Variants in PKLR observed in about 807,000 individuals in gnomAD.
PKLR encodes the protein pyruvate kinase PKLR.
A neutral mutation model predicts 53.6 loss-of-function variants in PKLR; 38 were observed. That is an observed-to-expected ratio of 0.71 (90% CI 0.55 to 0.93). The LOEUF (loss-of-function observed/expected upper bound fraction) is 0.93, where lower values mean the gene tolerates loss of function less well. Ranked by LOEUF, PKLR falls within the 40% of genes least tolerant of loss-of-function variation. The probability of loss-of-function intolerance (pLI) is 0.00; values close to 1 mark genes in which losing one functional copy is unlikely to be tolerated. For synonymous variants in PKLR, 328 were observed against 316.2 expected (o/e 1.04, Z -0.39); for missense variants, 702 against 787.3 (o/e 0.89, Z 1.30).
chr1:155,302,283 T>A (rs1247258621), upstream of PKLR, among the ~76,000 whole-genome samples: 2 of 149,936 alleles, frequency 1.3e-5, no homozygotes, highest in South Asian at 2.2e-4. Context: ...GTTGCCCAGG[T>A]TGGAGTGCAG....
chr1:155,307,986 A>AT, the PKLR span, among the ~76,000 whole-genome samples: 8 of 151,850 alleles, frequency 5.3e-5, no homozygotes, highest in Middle Eastern at 3.2e-3. Context: ...CATGTTGACC[A>AT]GGCTGGTCTC....
rs770125793 is a variant in PKLR at position 155,290,634 on chromosome 1, C to A, written c.1663G>T (p.Val555Leu). The A allele has an allele frequency of 6.2e-7, 1 of 1,613,552 alleles. No individual in the cohort carries two copies. Among genetic ancestry groups the A allele is most frequent in the South Asian group, 1.1e-5 (1 of 91,058 alleles). The change falls in exon 11 of 11, where the codon GTG becomes TTG. Residue 555 changes from valine (V) to leucine (L), a missense_variant. Transcript: ENST00000342741. ...CCGGAGCCAGGTCGCCAGCCTGTCA[C>A]CACAATCACCAGGTCTCCAACACGG... ...FLRVGDLVIV[V>L]TGWRPGSGYT...
At chr1:155,291,716 A>G (rs1674550266) in intron 10 of PKLR, 40 bp downstream of exon 10, 1 of 1,595,048 alleles carries the variant, frequency 6.3e-7, no homozygotes, top group Non-Finnish European at 8.6e-7. Context: ...GGCTCCTGAT[A>G]CAAATGGTAG....
upstream of PKLR, among the ~76,000 whole-genome samples, chr1:155,305,043 G>A (rs138819089): frequency 6.6e-6 from 1 of 152,242 alleles, no homozygotes; most frequent in East Asian, 1.9e-4. Context: ...GAGATGGAGA[G>A]GGTGAGGTTG....
At chr1:155,296,812 A>G (rs1313713858) in intron 2 of PKLR, among the ~76,000 whole-genome samples, 1 of 151,828 alleles carries the variant, frequency 6.6e-6, no homozygotes, top group African/African-American at 2.4e-5. Context: ...TGCTACCTCT[A>G]GTTCCCCTCC....
Position 155,295,551 on chromosome 1 carries a change from G to A in PKLR, c.393C>T (p.Ile131=). 1 of 1,613,866 alleles carries A rather than the reference G, an allele frequency of 6.2e-7. No individual in the cohort carries two copies. Among genetic ancestry groups the A allele is most frequent in the Non-Finnish European group, 8.5e-7 (1 of 1,179,820 alleles). Residue 131 remains isoleucine (I), a synonymous_variant, in exon 4 of 11, where the codon ATC becomes ATT. Transcript: ENST00000342741. The surrounding 1 kb of genome is among the most constrained non-coding windows in gnomAD (Gnocchi z 4.3). Reference sequence around the variant, plus strand: ...TCTCCACCGCCTCCCGGACGTTGGCGATGGACTCAGCATGGTACTGGGGGA... The same window carrying A: ...TCTCCACCGCCTCCCGGACGTTGGCAATGGACTCAGCATGGTACTGGGGGA... ...HGSHEYHAES[I]ANVREAVESF... is the part of the protein sequence containing the mutation.
At chr1:155,304,492 G>A (rs544277105), upstream of PKLR, among the ~76,000 whole-genome samples, 6 of 151,766 alleles carry the variant, frequency 4.0e-5, no homozygotes, top group East Asian at 1.9e-4. Context: ...GAACTACTGC[G>A]GGCTTAGGAA....
At chr1:155,292,241 G>GAAAAAAAAAAAAAAA (rs57484820) in intron 9 of PKLR, among the ~76,000 whole-genome samples, 1 of 138,088 alleles carries the variant, frequency 7.2e-6, no homozygotes, top group Non-Finnish European at 1.5e-5. Context: ...TCTGCATTAA[G>GAAAAAAAAAAAAAAA]AAAAAAAAAA....
In PKLR at chr1:155,295,401, G is replaced by A. The variant is rs8177972; in HGVS notation, c.507+36C>T. ...CCAACCCTACAGGCGCCGCCTTTCCGGCCCTGGCCCAGCGAGTCCCAGCCC... is the reference window on the plus strand; with the variant it reads ...CCAACCCTACAGGCGCCGCCTTTCCAGCCCTGGCCCAGCGAGTCCCAGCCC... On this transcript the variant is annotated intron_variant, in intron 4 of 10. Coordinates refer to ENST00000342741, the MANE Select transcript of PKLR (RefSeq NM_000298.6). The surrounding 1 kb of genome is among the most constrained non-coding windows in gnomAD (Gnocchi z 4.3). The A allele has an allele frequency of 1.5e-3, 2,410 of 1,612,256 alleles. 40 individuals carry two copies. The African/African-American group carries it at 0.028, about 19-fold the overall frequency.
chr1:155,306,183 C>T (rs767493191), upstream of PKLR, among the ~76,000 whole-genome samples: 2 of 152,206 alleles, frequency 1.3e-5, no homozygotes, highest in African/African-American at 4.8e-5. The surrounding 1 kb of genome is among the most constrained non-coding windows in gnomAD (Gnocchi z 4.2). Context: ...CAGGATCATC[C>T]CTGAGCAAGA....
chr1:155,295,213 G>T lies in PKLR; in HGVS notation c.597C>A (p.Thr199=), dbSNP rs1392566261. Residue 199 remains threonine (T), a synonymous_variant, in exon 5 of 11, where the codon ACC becomes ACA. Transcript: ENST00000342741. This position sits in a 1 kb window ranked among gnomAD's most constrained non-coding sequence, Gnocchi z 4.3. ...PAFRTRGNAN[T]VWVDYPNIVR... ...CAATATTGGGGTAGTCCACCCACAC[G>T]GTGTTCGCGTTCCCCCGCGTCCGGA... 1 of 1,614,094 alleles carries T rather than the reference G, an allele frequency of 6.2e-7. No individual in the cohort carries two copies. The highest frequency in any genetic ancestry group is 1.1e-5 in the South Asian group (1 of 91,080).
Position 155,295,736 on chromosome 1 carries a change from C to T in PKLR, c.304G>A (p.Glu102Lys). ...ATIGPASRSVERLKEMIKAGM... is the reference protein window; with the variant it reads ...ATIGPASRSVKRLKEMIKAGM... Reference sequence around the variant, plus strand: ...GCCTTGATCATCTCCTTGAGGCGCTCCACGGAGCGAGATGCTGGCCCTAGA... The same window carrying T: ...GCCTTGATCATCTCCTTGAGGCGCTTCACGGAGCGAGATGCTGGCCCTAGA... Residue 102 changes from glutamate to lysine, a missense_variant, in exon 3 of 11, where the codon GAG (glutamate) becomes AAG (lysine). By Grantham distance (56) the Glu-to-Lys change is moderately conservative. This residue lies in a region of PKLR where 519 missense variants were observed against 537.1 expected (regional missense o/e 0.97). Coordinates refer to ENST00000342741, the MANE Select transcript of PKLR (RefSeq NM_000298.6). This position sits in a 1 kb window ranked among gnomAD's most constrained non-coding sequence, Gnocchi z 4.3. 1 of 1,614,042 alleles carries T rather than the reference C, an allele frequency of 6.2e-7. No homozygotes were observed. The highest frequency in any genetic ancestry group is 1.1e-5 in the South Asian group (1 of 91,088).
At chr1:155,300,008 G>T in intron 2 of PKLR, 90 bp downstream of exon 2, 2 of 1,310,366 alleles carry the variant, frequency 1.5e-6, no homozygotes, top group Non-Finnish European at 1.1e-6. Context: ...TGTCAAACAT[G>T]GAGAAGTCTC....
At chr1:155,304,561 C>T (rs547018551), upstream of PKLR, among the ~76,000 whole-genome samples, 4 of 151,172 alleles carry the variant, frequency 2.6e-5, no homozygotes, top group Non-Finnish European at 5.9e-5. Flanking sequence ...GAGAGGGGGA[C>T]GGCTTGGAGA....
At chr1:155,298,359 G>A (rs1008949508) in intron 2 of PKLR, among the ~76,000 whole-genome samples, 5 of 143,336 alleles carry the variant, frequency 3.5e-5, no homozygotes, top group African/African-American at 1.3e-4. Flanking sequence ...ACGGAGTTTC[G>A]CTCTTGTTGC....
intron 9 of PKLR, among the ~76,000 whole-genome samples, chr1:155,292,248 A>AAAAAAAAAAG (rs1314068919): frequency 6.6e-6 from 1 of 151,918 alleles, no homozygotes; most frequent in African/African-American, 2.4e-5. Context: ...TAAGAAAAAA[A>AAAAAAAAAAG]AAAGAAAGAA....
chr1:155,299,607 A>G (rs1210121233), intron 2 of PKLR, among the ~76,000 whole-genome samples: 1 of 143,018 alleles, frequency 7.0e-6, no homozygotes, highest in Non-Finnish European at 1.5e-5. Flanking sequence ...CCTGGGTTCA[A>G]GCGATTCTCC....
At position 155,290,619 on chromosome 1, in the gene PKLR, G is replaced by T; in HGVS notation, c.1678C>A (p.Pro560Thr). The change falls in exon 11 of 11, where the codon CCT becomes ACT. Residue 560 changes from proline to threonine, a missense_variant. Coordinates refer to ENST00000342741, the MANE Select transcript of PKLR (RefSeq NM_000298.6). The stretch of plus-strand genomic sequence containing the variant: ...ATGATGTTGGTGTAGCCGGAGCCAG[G>T]TCGCCAGCCTGTCACCACAATCACC... ...DLVIVVTGWR[P>T]GSGYTNIMRV... 6 of 1,613,570 alleles carry T rather than the reference G, an allele frequency of 3.7e-6. No individual in the cohort carries two copies. The highest frequency in any genetic ancestry group is 5.1e-6 in the Non-Finnish European group (6 of 1,179,648).
rs1647303234 is a variant in PKLR at position 155,293,045 on chromosome 1, A to G, written c.1436+132T>C. On this transcript the variant is annotated intron_variant, in intron 9 of 10. Transcript: ENST00000342741. The surrounding 1 kb of genome is among the most constrained non-coding windows in gnomAD (Gnocchi z 4.2). ...CTGTCTCTCCTGGCCTCCAGCTGTCATTGCTGCCTCTCCTCTTGTCTCAGG... is the reference window on the plus strand; with the variant it reads ...CTGTCTCTCCTGGCCTCCAGCTGTCGTTGCTGCCTCTCCTCTTGTCTCAGG... 1.1e-6 allele frequency: 1 copy of G among 951,902 alleles called. No homozygotes were observed. The allele number at this position is 951,902 out of a possible 1,614,324, so 59.0% of individuals were successfully genotyped here.
Sources: gnomAD v4.1 joint callset for allele counts (sites outside exome capture counted in the v4.1 genomes callset) on GRCh38, gnomAD v4.1.1 for gene constraint, gnomAD v4.1.1 regional missense constraint, Gnocchi (gnomAD v3.1) non-coding constraint, MANE v1.5 for transcripts, NCBI Gene and HGNC (gene_info 2026-07-23, HGNC 2026-07-21) for gene names.